Variants in PARP6 observed in about 807,000 individuals in gnomAD.
The protein encoded by PARP6 is protein mono-ADP-ribosyltransferase PARP6.
A neutral mutation model predicts 92.0 loss-of-function variants in PARP6; 27 were observed. The ratio of observed to expected loss-of-function variants is 0.29; its 90% CI spans 0.22 to 0.40. The LOEUF (loss-of-function observed/expected upper bound fraction) is 0.40. Among genes scored for constraint, PARP6 ranks in the 10% least tolerant of loss-of-function variants. The probability of loss-of-function intolerance (pLI) is 1.00; values close to 1 mark genes in which losing one functional copy is unlikely to be tolerated. For synonymous variants in PARP6, 272 were observed against 281.2 expected, an observed-to-expected ratio of 0.97 and a Z score of 0.33; for missense variants, 501 against 784.5, an observed-to-expected ratio of 0.64 and a Z score of 4.32.
intron 16 of PARP6, 159 bp from the exon 17 acceptor site, chr15:72,251,414 T>A: frequency 1.8e-6 from 1 of 542,074 alleles, no homozygotes; most frequent in Non-Finnish European, 3.3e-6. Flanking sequence ...TGGATATTCC[T>A]GTGGGTGATA....
intron 1 of PARP6, among the ~76,000 whole-genome samples, chr15:72,271,524 G>A (rs1456306796): frequency 6.6e-6 from 1 of 152,162 alleles, no homozygotes; most frequent in Non-Finnish European, 1.5e-5. Flanking sequence ...TAAAAAATTA[G>A]CCGGAAACGT....
intron 4 of PARP6, among the ~76,000 whole-genome samples, chr15:72,266,379 G>A (rs1275635014): frequency 6.6e-6 from 1 of 152,196 alleles, no homozygotes; most frequent in African/African-American, 2.4e-5. Context: ...GGGTACTTCT[G>A]CTCAGGACTG....
intron 20 of PARP6, 50 bp downstream of exon 20, chr15:72,249,192 CACA>C: frequency 9.7e-7 from 1 of 1,033,500 alleles, no homozygotes; most frequent in African/African-American, 1.6e-5. Context: ...ATCATGTATT[CACA>C]AATGGAGGCA....
At chr15:72,268,307 A>C (rs900130222) in intron 2 of PARP6, among the ~76,000 whole-genome samples, 3 of 152,240 alleles carry the variant, frequency 2.0e-5, no homozygotes, top group African/African-American at 7.2e-5. Flanking sequence ...CTGTCAGTTA[A>C]TTCTTCAGAG....
rs116284231 is a variant in PARP6 at position 72,254,181 on chromosome 15, C to T, written c.1191+274G>A. On this transcript the variant is annotated intron_variant, in intron 15 of 23. Transcript: ENST00000569795. ...GGTCTTTCCTTCACTTCTTAACTCC[C>T]TAAGAATTATGGCAAAACATTAAAT... The T allele has an allele frequency of 5.9e-3, 2,930 of 499,924 alleles. 72 individuals carry two copies. The highest frequency in any genetic ancestry group is 0.052 in the African/African-American group (2,643 of 51,294). 31.0% of individuals were successfully genotyped at this position (499,924 alleles called of 1,614,324 possible). A position where few individuals can be genotyped will look rare whatever the true frequency, so the allele number is the denominator to read the frequency against.
intron 14 of PARP6, 78 bp from the exon 15 acceptor site, chr15:72,254,598 A>G (rs2140984313): frequency 1.8e-6 from 2 of 1,112,182 alleles, no homozygotes; most frequent in South Asian, 2.5e-5. Context: ...AAGGGGCTAG[A>G]TGTACCAAAA....
chr15:72,268,032 G>A (rs1167810615), intron 2 of PARP6, among the ~76,000 whole-genome samples: 4 of 152,214 alleles, frequency 2.6e-5, no homozygotes, highest in Admixed American at 2.0e-4. Flanking sequence ...GAATACAGGC[G>A]TGAGCCATTG....
At chr15:72,245,569 T>C (rs1399456111) in intron 20 of PARP6, 1 of 152,214 alleles carries the variant, frequency 6.6e-6, no homozygotes, top group African/African-American at 2.4e-5. Flanking sequence ...CTCATAGCTG[T>C]GTGACCATAA....
chr15:72,266,074 A>G, intron 4 of PARP6, 83 bp from the exon 5 acceptor site: 2 of 941,414 alleles, frequency 2.1e-6, no homozygotes, highest in Non-Finnish European at 3.4e-6. Context: ...ATATGAAAAG[A>G]CACCAGGAAC....
rs1216419474 is a variant in PARP6, at chr15:72,241,615, A to C, written c.1791-58T>G. ...GGGAGAACAATACCAGAATAACATC[A>C]ATCAGTGGAACTGTATTTCAAGGTA... On this transcript the variant is annotated intron_variant, in intron 23 of 23. Coordinates refer to ENST00000569795, the MANE Select transcript of PARP6 (RefSeq NM_001323532.2). The surrounding 1 kb of genome is among the most constrained non-coding windows in gnomAD (Gnocchi z 4.1). 7.8e-7 allele frequency: 1 copy of C among 1,290,058 alleles called. No individual in the cohort carries two copies. The highest frequency in any genetic ancestry group is 1.1e-6 in the Non-Finnish European group (1 of 886,184). The allele number at this position is 1,290,058 out of a possible 1,614,324, so 79.9% of individuals were successfully genotyped here. A position where few individuals can be genotyped will look rare whatever the true frequency, so the allele number is the denominator to read the frequency against.
chr15:72,248,770 C>T (rs1387175125), intron 20 of PARP6, among the ~76,000 whole-genome samples: 1 of 152,170 alleles, frequency 6.6e-6, no homozygotes, highest in African/African-American at 2.4e-5. Flanking sequence ...TTCAATGTGA[C>T]TAACATAATA....
At chr15:72,264,295 G>C (rs534667243) in intron 8 of PARP6, among the ~76,000 whole-genome samples, 8 of 152,270 alleles carry the variant, frequency 5.3e-5, no homozygotes, top group African/African-American at 1.9e-4. Context: ...TCTGATTTCA[G>C]GGTAGTAAAA....
chr15:72,241,337 TGCCCCTTGGTAATG>T lies in PARP6; in HGVS notation c.*104_*117del, dbSNP rs766478909. 32 of 748,078 alleles carry T rather than the reference TGCCCCTTGGTAATG, an allele frequency of 4.3e-5. No individual in the cohort carries two copies. Among genetic ancestry groups the T allele is most frequent in the Non-Finnish European group, 9.6e-6 (4 of 416,494 alleles). The allele number at this position is 748,078 out of a possible 1,614,324, so 46.3% of individuals were successfully genotyped here. ...GGCCACCTCTTACATATCCTTTTCC[TGCCCCTTGGTAATG>T]GCCCCTTGATTCCTCAGGGCAGCCT... On this transcript the variant is annotated 3_prime_UTR_variant, in exon 24 of 24. Transcript: ENST00000569795. The surrounding 1 kb of genome is among the most constrained non-coding windows in gnomAD (Gnocchi z 4.1).
chr15:72,259,683 A>G (rs1311164384), intron 10 of PARP6, 22 bp from the exon 11 acceptor site: 1 of 1,610,436 alleles, frequency 6.2e-7, no homozygotes, highest in Non-Finnish European at 8.5e-7. Context: ...AAAAAGACAG[A>G]CCCCGTGAAC....
chr15:72,242,068 A>T lies in PARP6; in HGVS notation c.1706-83T>A, dbSNP rs1350977670. On this transcript the variant is annotated intron_variant, in intron 22 of 23. Transcript: ENST00000569795. The surrounding 1 kb of genome is among the most constrained non-coding windows in gnomAD (Gnocchi z 4.3). Reference sequence around the variant, plus strand: ...AGGAGAAGGAAGCCATGCCACTTCAACATCACTCTTGGCCAGATCATGTGC... The same window carrying T: ...AGGAGAAGGAAGCCATGCCACTTCATCATCACTCTTGGCCAGATCATGTGC... 4.8e-6 allele frequency: 7 copies of T among 1,463,194 alleles called. No individual in the cohort carries two copies. The East Asian group carries it at 1.1e-4, about 24-fold the overall frequency. 90.6% of individuals were successfully genotyped at this position (1,463,194 alleles called of 1,614,324 possible).
chr15:72,245,594 T>A (rs916554399), intron 20 of PARP6: 11 of 152,226 alleles, frequency 7.2e-5, no homozygotes, highest in African/African-American at 2.7e-4. Flanking sequence ...ATCATTTAAC[T>A]TTTCTGTATA....
chr15:72,256,637 A>G lies in PARP6; in HGVS notation c.1000-47T>C, dbSNP rs2085172638. 3.5e-6 allele frequency: 5 copies of G among 1,420,110 alleles called. No homozygotes were observed. In the African/African-American group the frequency reaches 7.4e-5, roughly 21 times the overall value. The allele number at this position is 1,420,110 out of a possible 1,614,324, so 88.0% of individuals were successfully genotyped here. A position where few individuals can be genotyped will look rare whatever the true frequency, so the allele number is the denominator to read the frequency against. ...CAGGGCAGAAGCTAAATGATTTCCC[A>G]GTACTGGGAGTCAGAGTACCCAGTA... On this transcript the variant is annotated intron_variant, in intron 13 of 23. Transcript: ENST00000569795.
Position 72,253,422 on chromosome 15 carries a change from C to T in PARP6, c.1259+15G>A. 1 of 1,602,730 alleles carries T rather than the reference C, an allele frequency of 6.2e-7. No homozygotes were observed. The highest frequency in any genetic ancestry group is 1.3e-5 in the African/African-American group (1 of 74,780). On this transcript the variant is annotated intron_variant, in intron 16 of 23. Coordinates refer to ENST00000569795, the MANE Select transcript of PARP6 (RefSeq NM_001323532.2). ...CTCCCCATAACCCAAGAAGGATGAG[C>T]CATTCTATCCATACCACTGCAGGAG...
chr15:72,257,082 T>C (rs1453449629), intron 13 of PARP6, among the ~76,000 whole-genome samples: 1 of 152,190 alleles, frequency 6.6e-6, no homozygotes, highest in African/African-American at 2.4e-5. Flanking sequence ...ACATATGCTG[T>C]TGTATTTGCT....
Sources: gnomAD v4.1 joint callset for allele counts (sites outside exome capture counted in the v4.1 genomes callset) on GRCh38, gnomAD v4.1.1 for gene constraint, Gnocchi (gnomAD v3.1) non-coding constraint, MANE v1.5 for transcripts, NCBI Gene and HGNC (gene_info 2026-07-23, HGNC 2026-07-21) for gene names.